The following GRID2 variants were observed in gnomAD, a reference collection of about 807,000 sequenced individuals.
GRID2 encodes the protein glutamate ionotropic receptor delta type subunit 2, also known as glutamate receptor ionotropic, delta-2.
A neutral mutation model predicts 114.8 loss-of-function variants in GRID2; 33 were observed. That is an observed-to-expected ratio of 0.29 (90% confidence interval 0.22 to 0.38). The LOEUF is 0.38. Among genes scored for constraint, GRID2 ranks in the 10% least tolerant of loss-of-function variants. The probability of loss-of-function intolerance (pLI) is 1.00; values close to 1 mark genes in which losing one functional copy is unlikely to be tolerated. For missense variants in GRID2, 1,184 were observed against 1,257.7 expected, an observed-to-expected ratio of 0.94 and a Z score of 0.89; for synonymous variants, 505 against 449.9, an observed-to-expected ratio of 1.12 and a Z score of -1.55.
chr4:93,403,542 A>T (rs1159203253), intron 9 of GRID2, among the ~76,000 whole-genome samples: 5 of 152,134 alleles, frequency 3.3e-5, no homozygotes, highest in East Asian at 1.9e-4. Context: ...AAACAAAATT[A>T]AAAAAAATTA....
intron 2 of GRID2, among the ~76,000 whole-genome samples, chr4:92,944,478 T>C (rs961345278): frequency 6.6e-6 from 1 of 152,202 alleles, no homozygotes; most frequent in Non-Finnish European, 1.5e-5. Context: ...CTGTCACCCC[T>C]TTCTTTGACT....
At chr4:92,567,305 G>C (rs976343760) in intron 1 of GRID2, among the ~76,000 whole-genome samples, 1 of 151,708 alleles carries the variant, frequency 6.6e-6, no homozygotes, top group South Asian at 2.1e-4. Flanking sequence ...AGAATATGTT[G>C]TTTTCTACTA....
At chr4:93,712,031 C>T (rs539930272) in intron 14 of GRID2, among the ~76,000 whole-genome samples, 2 of 152,146 alleles carry the variant, frequency 1.3e-5, no homozygotes, top group African/African-American at 4.8e-5. Flanking sequence ...TGTTTTAATA[C>T]ATTAGGGATA....
At chr4:93,242,893 A>G (rs1204957312) in intron 8 of GRID2, among the ~76,000 whole-genome samples, 2 of 151,952 alleles carry the variant, frequency 1.3e-5, no homozygotes, top group Admixed American at 6.6e-5. Context: ...TAATTGTTAA[A>G]TCTCTGCTAT....
At chr4:93,547,092 T>C (rs189637135) in intron 13 of GRID2, among the ~76,000 whole-genome samples, 3 of 152,316 alleles carry the variant, frequency 2.0e-5, no homozygotes, top group East Asian at 1.9e-4. Context: ...GTTCTCAAAA[T>C]TCAGCTCCTA....
At chr4:92,444,687 C>T (rs1019419853) in intron 1 of GRID2, among the ~76,000 whole-genome samples, 4 of 151,984 alleles carry the variant, frequency 2.6e-5, no homozygotes, top group African/African-American at 7.3e-5. Flanking sequence ...AAAAAGGGGG[C>T]GTTTGTCTTC....
At chr4:92,756,551 G>C in intron 2 of GRID2, among the ~76,000 whole-genome samples, 1 of 152,150 alleles carries the variant, frequency 6.6e-6, no homozygotes. Flanking sequence ...CTACTAACTT[G>C]TATTCCCACC....
intron 8 of GRID2, among the ~76,000 whole-genome samples, chr4:93,338,169 A>G (rs1759281600): frequency 6.6e-6 from 1 of 152,134 alleles, no homozygotes; most frequent in African/African-American, 2.4e-5. Flanking sequence ...ACAATACATA[A>G]CAGTTTTTGA....
intron 2 of GRID2, among the ~76,000 whole-genome samples, chr4:92,709,919 A>G (rs904948693): frequency 2.6e-5 from 4 of 152,114 alleles, no homozygotes; most frequent in Non-Finnish European, 5.9e-5. Flanking sequence ...AAGTACTATT[A>G]TTCTAATAGA....
intron 1 of GRID2, among the ~76,000 whole-genome samples, chr4:92,574,142 TTTTCCA>T (rs1453253174): frequency 6.6e-6 from 1 of 152,102 alleles, no homozygotes; most frequent in Non-Finnish European, 1.5e-5. Context: ...TATTTTCCTG[TTTTCCA>T]TTTCCTGGGT....
At chr4:92,866,264 A>G (rs1327215688) in intron 2 of GRID2, among the ~76,000 whole-genome samples, 2 of 152,044 alleles carry the variant, frequency 1.3e-5, no homozygotes, top group Admixed American at 6.6e-5. Context: ...TCTCTGATAC[A>G]CTCTTACCCA....
At chr4:92,467,263 A>G (rs1014129066) in intron 1 of GRID2, among the ~76,000 whole-genome samples, 2 of 151,976 alleles carry the variant, frequency 1.3e-5, no homozygotes, top group African/African-American at 4.8e-5. Context: ...TTGAAAAGCA[A>G]CTGGGTTATG....
chr4:93,473,448 A>G (rs1217107899), intron 11 of GRID2, among the ~76,000 whole-genome samples: 1 of 152,178 alleles, frequency 6.6e-6, no homozygotes, highest in Non-Finnish European at 1.5e-5. Context: ...AAAATAATGT[A>G]AAATTCAGCT....
intron 1 of GRID2, among the ~76,000 whole-genome samples, chr4:92,549,192 C>T (rs1485145056): frequency 3.3e-5 from 5 of 150,818 alleles, no homozygotes; most frequent in Non-Finnish European, 7.4e-5. Context: ...GAAAATGCCA[C>T]ATTGATTTTG....
At chr4:93,574,418 T>C (rs1736223409) in intron 13 of GRID2, among the ~76,000 whole-genome samples, 1 of 152,120 alleles carries the variant, frequency 6.6e-6, no homozygotes, top group Non-Finnish European at 1.5e-5. Context: ...ATACTACTGA[T>C]AAAGACACCC....
At chr4:92,618,098 T>A (rs552208362) in intron 2 of GRID2, among the ~76,000 whole-genome samples, 3 of 151,904 alleles carry the variant, frequency 2.0e-5, no homozygotes, top group African/African-American at 7.2e-5. Flanking sequence ...CAAATCAATG[T>A]CCTGAAATAT....
At chr4:93,123,518 A>G (rs1733982966) in intron 4 of GRID2, among the ~76,000 whole-genome samples, 1 of 152,194 alleles carries the variant, frequency 6.6e-6, no homozygotes, top group Non-Finnish European at 1.5e-5. Context: ...GAGCTGTAAG[A>G]ATACAATAAT....
At chr4:92,972,423 T>C (rs1753581094) in intron 2 of GRID2, among the ~76,000 whole-genome samples, 1 of 151,974 alleles carries the variant, frequency 6.6e-6, no homozygotes, top group African/African-American at 2.4e-5. Flanking sequence ...GTGGGGGACA[T>C]GAATAAACGT....
At chr4:93,092,302 A>G (rs2149330522) in intron 3 of GRID2, among the ~76,000 whole-genome samples, 2 of 152,242 alleles carry the variant, frequency 1.3e-5, no homozygotes, top group Non-Finnish European at 2.9e-5. Context: ...AAGAGCTTCT[A>G]AAGTAGTGTC....
Sources: gnomAD v4.1 joint callset for allele counts (sites outside exome capture counted in the v4.1 genomes callset) on GRCh38, gnomAD v4.1.1 for gene constraint, MANE v1.5 for transcripts, NCBI Gene and HGNC (gene_info 2026-07-23, HGNC 2026-07-21) for gene names.